Variants in HMGCLL1 observed in about 807,000 individuals in gnomAD.
HMGCLL1 encodes the protein 3-hydroxymethyl-3-methylglutaryl-CoA lyase, cytoplasmic.
In HMGCLL1, 36 loss-of-function variants were observed where a neutral mutation model predicts 39.1. That is an observed-to-expected ratio of 0.92 (90% CI 0.71 to 1.22). HMGCLL1 has a LOEUF of 1.22. Ranked by LOEUF, HMGCLL1 falls within the 50% of genes most tolerant of loss-of-function variation. HMGCLL1 has a pLI of 0.00. For missense variants in HMGCLL1, 451 were observed against 416.5 expected, an observed-to-expected ratio of 1.08 and a Z score of -0.72; for synonymous variants, 149 against 144.0, an observed-to-expected ratio of 1.03 and a Z score of -0.25.
intron 1 of HMGCLL1, among the ~76,000 whole-genome samples, chr6:55,543,215 T>TTATA (rs552337857): frequency 6.2e-5 from 1 of 16,118 alleles, no homozygotes; most frequent in Non-Finnish European, 1.2e-4. Flanking sequence ...ATATTATATA[T>TTATA]TATATAATAT....
intron 7 of HMGCLL1, among the ~76,000 whole-genome samples, chr6:55,470,438 T>C (rs1764995694): frequency 6.6e-6 from 1 of 151,828 alleles, no homozygotes; most frequent in African/African-American, 2.4e-5. Context: ...CTTTAGGAGT[T>C]AGCACAATGT....
chr6:55,519,614 G>C (rs559924301), intron 3 of HMGCLL1, among the ~76,000 whole-genome samples: 6 of 152,000 alleles, frequency 3.9e-5, no homozygotes. Flanking sequence ...ATAATAAGCA[G>C]AAAGAAAAGC....
the HMGCLL1 span, among the ~76,000 whole-genome samples, chr6:55,614,652 A>C: frequency 2.0e-4 from 31 of 152,268 alleles, no homozygotes; most frequent in African/African-American, 7.5e-4. Context: ...AGATATCTGT[A>C]ACACTTATAT....
In HMGCLL1 at chr6:55,531,059, T is replaced by C. The variant is rs116571204; in HGVS notation, c.297+10670A>G. On this transcript the variant is annotated intron_variant, in intron 3 of 8. Coordinates refer to ENST00000274901, the MANE Select transcript of HMGCLL1 (RefSeq NM_001042406.2). ...TGGGCTATCCAGACTACGCTTAATA[T>C]CTTAATGCTTTAATGTTTAAACCAG... Among the ~76,000 whole-genome samples the C allele has an allele frequency of 3.6e-3, 552 of 152,290 alleles. 8 individuals are homozygous for C. Among genetic ancestry groups the C allele is most frequent in the African/African-American group, 0.013 (535 of 41,556 alleles).
rs531892412 is a variant in HMGCLL1, at chr6:55,575,971, A to G, written c.108+2977T>C. The stretch of plus-strand genomic sequence containing the variant: ...GTGATGCTTATGGCCTATAAGGGAA[A>G]ACATTAATTCATTTGTTCATTCAAA... On this transcript the variant is annotated intron_variant, in intron 1 of 8. Transcript: ENST00000274901. Among the ~76,000 whole-genome samples, 15 of 152,324 alleles carry G rather than the reference A, an allele frequency of 9.8e-5. No homozygotes were observed. The South Asian group carries it at 2.9e-3, about 29-fold the overall frequency.
chr6:55,553,155 C>CTATA (rs1414092950), intron 1 of HMGCLL1, among the ~76,000 whole-genome samples: 4 of 90,440 alleles, frequency 4.4e-5, no homozygotes, highest in East Asian at 3.0e-4. Context: ...CTCTCTCTCT[C>CTATA]TCTCTATATA....
At chr6:55,518,153 C>A (rs1421816111) in intron 3 of HMGCLL1, among the ~76,000 whole-genome samples, 3 of 152,112 alleles carry the variant, frequency 2.0e-5, no homozygotes, top group Non-Finnish European at 4.4e-5. Flanking sequence ...AATAAAAATA[C>A]AGACCTTACT....
At chr6:55,494,244 T>C (rs1381339122) in intron 7 of HMGCLL1, among the ~76,000 whole-genome samples, 1 of 152,152 alleles carries the variant, frequency 6.6e-6, no homozygotes, top group African/African-American at 2.4e-5. Context: ...ATTCATTCTA[T>C]AATAAATATG....
intron 3 of HMGCLL1, among the ~76,000 whole-genome samples, chr6:55,539,082 A>G (rs1769192789): frequency 6.6e-6 from 1 of 152,212 alleles, no homozygotes; most frequent in African/African-American, 2.4e-5. Flanking sequence ...AAGCAAGTAC[A>G]GGTAAAGTGC....
At chr6:55,495,142 A>G (rs1401403651) in intron 7 of HMGCLL1, among the ~76,000 whole-genome samples, 6 of 152,330 alleles carry the variant, frequency 3.9e-5, no homozygotes, top group South Asian at 2.1e-4. Context: ...TGAGGAGAGA[A>G]ACAAGCAGAC....
At position 55,541,831 on chromosome 6, in the gene HMGCLL1, T is replaced by C. The variant is rs775847582; in HGVS notation, c.195A>G (p.Ile65Met). 8 of 1,565,130 alleles carry C rather than the reference T, an allele frequency of 5.1e-6. No individual in the cohort carries two copies. Among genetic ancestry groups the C allele is most frequent in the Non-Finnish European group, 6.1e-6 (7 of 1,145,562 alleles). Residue 65 changes from isoleucine (I) to methionine (M), a missense_variant, in exon 3 of 9, where the codon ATA (isoleucine) becomes ATG (methionine). Coordinates refer to ENST00000274901, the MANE Select transcript of HMGCLL1 (RefSeq NM_001042406.2). ...PRDGLQNEKVIVPTDIKIEFI... is the reference protein window; with the variant it reads ...PRDGLQNEKVMVPTDIKIEFI... Reference sequence around the variant, plus strand: ...ATTCAATTTTTATATCTGTAGGAACTATAACCTATGAAAACAAAAAATATT... The same window carrying C: ...ATTCAATTTTTATATCTGTAGGAACCATAACCTATGAAAACAAAAAATATT...
chr6:55,551,178 G>A (rs909886343), intron 1 of HMGCLL1, among the ~76,000 whole-genome samples: 1 of 151,754 alleles, frequency 6.6e-6, no homozygotes, highest in Non-Finnish European at 1.5e-5. Flanking sequence ...GCATTCATTT[G>A]AGTAAATTTA....
In HMGCLL1 at chr6:55,441,020, G is replaced by T. The variant is rs571198349; in HGVS notation, c.796-1461C>A. The stretch of plus-strand genomic sequence containing the variant: ...ACATTATTCAATGATACTTATTAAA[G>T]CACAGCAAGGATGAATTTATTTAGG... On this transcript the variant is annotated intron_variant, in intron 7 of 8. Coordinates refer to ENST00000274901, the MANE Select transcript of HMGCLL1 (RefSeq NM_001042406.2). Among the ~76,000 whole-genome samples, 220 of 152,198 alleles carry T rather than the reference G, an allele frequency of 1.4e-3. 1 individual carries two copies. Among genetic ancestry groups the T allele is most frequent in the Middle Eastern group, 0.01 (3 of 294 alleles).
rs561120076 is a variant in HMGCLL1, at chr6:55,476,195, C to T, written c.795+19224G>A. On this transcript the variant is annotated intron_variant, in intron 7 of 8. Transcript: ENST00000274901. ...TGGTATTTGTTCAATATTGAGCCTT[C>T]CAAGCCTGAAACTTATCTCTCTGTT... is the stretch of plus-strand genomic sequence containing the variant. Among the ~76,000 whole-genome samples, 75 of 151,630 alleles carry T rather than the reference C, an allele frequency of 4.9e-4. No homozygotes were observed. In the South Asian group the frequency reaches 0.016, roughly 31 times the overall value.
chr6:55,645,498 C>T, the HMGCLL1 span, among the ~76,000 whole-genome samples: 2 of 152,080 alleles, frequency 1.3e-5, no homozygotes, highest in African/African-American at 4.8e-5. Context: ...GAAAGGCTTT[C>T]AGTTTTTTCT....
chr6:55,442,382 G>A (rs1763639074), intron 7 of HMGCLL1, among the ~76,000 whole-genome samples: 1 of 152,012 alleles, frequency 6.6e-6, no homozygotes, highest in Non-Finnish European at 1.5e-5. Flanking sequence ...TTGCACTTTG[G>A]GTTATAACGT....
the HMGCLL1 span, among the ~76,000 whole-genome samples, chr6:55,617,509 T>G: frequency 2.0e-5 from 3 of 152,194 alleles, no homozygotes; most frequent in African/African-American, 7.2e-5. Context: ...TCTGCTAGGT[T>G]GTGAGGAGAG....
intron 7 of HMGCLL1, among the ~76,000 whole-genome samples, chr6:55,493,593 C>T (rs908136564): frequency 1.3e-5 from 2 of 152,150 alleles, no homozygotes; most frequent in Admixed American, 1.3e-4. Context: ...AGGACATAAT[C>T]CTCTCCTTCT....
At chr6:55,655,759 TC>T in the HMGCLL1 span, among the ~76,000 whole-genome samples, 8 of 152,146 alleles carry the variant, frequency 5.3e-5, no homozygotes, top group Middle Eastern at 3.4e-3. Context: ...CTACAGCTTA[TC>T]TTTGCTAAAT....
Sources: gnomAD v4.1 joint callset for allele counts (sites outside exome capture counted in the v4.1 genomes callset) on GRCh38, gnomAD v4.1.1 for gene constraint, MANE v1.5 for transcripts, NCBI Gene and HGNC (gene_info 2026-07-23, HGNC 2026-07-21) for gene names.